SLC12A7: variants seen among roughly 807,000 people sequenced by gnomAD.
The protein encoded by SLC12A7 is K-Cl cotransporter 4.
A neutral mutation model predicts 120.6 loss-of-function variants in SLC12A7; 100 were observed. The ratio of observed to expected loss-of-function variants is 0.83; its 90% CI spans 0.71 to 0.98. SLC12A7 has a LOEUF of 0.98. SLC12A7 is among the 50% of genes least tolerant of loss of function. The pLI, the probability that SLC12A7 is intolerant of heterozygous loss-of-function variation, is 0.00. For missense variants in SLC12A7, 1,373 were observed against 1,548.1 expected, an observed-to-expected ratio of 0.89 and a Z score of 1.90; for synonymous variants, 760 against 678.0, an observed-to-expected ratio of 1.12 and a Z score of -1.88.
chr5:1,075,892 T>C (rs1397111880), intron 14 of SLC12A7: 1 of 534,642 alleles, frequency 1.9e-6, no homozygotes, highest in South Asian at 2.9e-5. Flanking sequence ...TGCAGACACC[T>C]GGGCATCCTC....
chr5:1,080,126 A>C (rs1738840774), intron 9 of SLC12A7, among the ~76,000 whole-genome samples: 1 of 151,832 alleles, frequency 6.6e-6, no homozygotes, highest in Non-Finnish European at 1.5e-5. Flanking sequence ...TGCCGCGGAG[A>C]CACCCGGAGC....
intron 18 of SLC12A7, among the ~76,000 whole-genome samples, chr5:1,064,520 C>A (rs115860046): frequency 6.6e-6 from 1 of 152,250 alleles, no homozygotes; most frequent in Non-Finnish European, 1.5e-5. Flanking sequence ...CAGATGGCCG[C>A]TCCCAGGGCC....
chr5:1,151,076 C>T, the SLC12A7 span, among the ~76,000 whole-genome samples: 1 of 152,240 alleles, frequency 6.6e-6, no homozygotes, highest in Non-Finnish European at 1.5e-5. This position sits in a 1 kb window ranked among gnomAD's most constrained non-coding sequence, Gnocchi z 6.2. Context: ...GCCAGAGCCT[C>T]ACTGCTGTGC....
At chr5:1,154,241 G>C in the SLC12A7 span, among the ~76,000 whole-genome samples, 6 of 151,786 alleles carry the variant, frequency 4.0e-5, no homozygotes, top group Non-Finnish European at 7.4e-5. Flanking sequence ...TCTCCAAAGC[G>C]TGTGTGTCCA....
rs200716950 is a variant in SLC12A7, at chr5:1,074,642, C to T, written c.1997G>A (p.Arg666His). Residue 666 changes from arginine (R) to histidine (H), a missense_variant, in exon 16 of 24, where the codon CGT becomes CAT. Coordinates refer to ENST00000264930, the MANE Select transcript of SLC12A7 (RefSeq NM_006598.3). ...GAEKEWGDGIRGLSLNAARYA... is the reference protein window; with the variant it reads ...GAEKEWGDGIHGLSLNAARYA... Reference sequence around the variant, plus strand: ...GCGGGCGGCGTTCAGGGATAGGCCACGGATGCCATCGCCCCACTCCTTCTC... The same window carrying T: ...GCGGGCGGCGTTCAGGGATAGGCCATGGATGCCATCGCCCCACTCCTTCTC... 2.0e-5 allele frequency: 32 copies of T among 1,612,780 alleles called. No homozygotes were observed. The East Asian group carries it at 3.1e-4, about 16-fold the overall frequency.
At chr5:1,129,113 C>G in the SLC12A7 span, among the ~76,000 whole-genome samples, 5 of 152,194 alleles carry the variant, frequency 3.3e-5, no homozygotes, top group African/African-American at 1.2e-4. Flanking sequence ...TCTCCTCAAA[C>G]CTCGGTCACA....
chr5:1,124,742 G>A, the SLC12A7 span, among the ~76,000 whole-genome samples: 4 of 152,196 alleles, frequency 2.6e-5, no homozygotes, highest in East Asian at 1.9e-4. Flanking sequence ...CGACGACCGT[G>A]AGAACAGCAG....
intron 8 of SLC12A7, among the ~76,000 whole-genome samples, chr5:1,082,992 GT>G: frequency 6.9e-6 from 1 of 144,752 alleles, no homozygotes; most frequent in Non-Finnish European, 1.5e-5. Context: ...GTTCTGGAAA[GT>G]CCGGGCTTCC....
rs551476637 is a variant in SLC12A7, at chr5:1,089,160, C to T, written c.343-32G>A. The T allele has an allele frequency of 4.4e-5, 71 of 1,605,222 alleles. No homozygotes were observed. The South Asian group carries it at 7.1e-4, about 16-fold the overall frequency. ...CAGAGCATAGCGTGTCCCAGGGGCT[C>T]GTACCCCACACCCAGAGGGAGCCCC... On this transcript the variant is annotated intron_variant, in intron 3 of 23. Coordinates refer to ENST00000264930, the MANE Select transcript of SLC12A7 (RefSeq NM_006598.3).
intron 6 of SLC12A7, among the ~76,000 whole-genome samples, chr5:1,085,678 CGG>C (rs2150862020): frequency 6.6e-6 from 1 of 150,718 alleles, no homozygotes; most frequent in African/African-American, 2.4e-5. Context: ...AGGCGAGGGA[CGG>C]AGCCCGCGGG....
rs1481725597 is a variant in SLC12A7, at chr5:1,051,381, C to G, written c.*979G>C. On this transcript the variant is annotated 3_prime_UTR_variant, in exon 24 of 24. Transcript: ENST00000264930. ...CTCAGAGGCTGAACTGTGTGCCGTG[C>G]TCCTGGGGTGGGGTGGGGTGGGGAG... The G allele has an allele frequency of 7.3e-6, 1 of 137,642 alleles. No homozygotes were observed. The highest frequency in any genetic ancestry group is 1.6e-5 in the Non-Finnish European group (1 of 64,484). 8.5% of individuals were successfully genotyped at this position (137,642 alleles called of 1,614,324 possible). A position where few individuals can be genotyped will look rare whatever the true frequency, so the allele number is the denominator to read the frequency against.
intron 17 of SLC12A7, among the ~76,000 whole-genome samples, chr5:1,067,804 A>G (rs1369366238): frequency 1.3e-5 from 2 of 149,948 alleles, no homozygotes; most frequent in Non-Finnish European, 2.9e-5. Context: ...GTGTGGGGAG[A>G]CCCTGTTATC....
At chr5:1,151,821 G>A in the SLC12A7 span, among the ~76,000 whole-genome samples, 3 of 152,150 alleles carry the variant, frequency 2.0e-5, no homozygotes, top group Admixed American at 6.5e-5. The surrounding 1 kb of genome is among the most constrained non-coding windows in gnomAD (Gnocchi z 6.2). Flanking sequence ...TCCTGCACAC[G>A]GCTCTCCTTG....
At chr5:1,058,020 T>C (rs1735809366) in intron 21 of SLC12A7, among the ~76,000 whole-genome samples, 1 of 150,400 alleles carries the variant, frequency 6.6e-6, no homozygotes, top group Non-Finnish European at 1.5e-5. Flanking sequence ...CACGCAGGCG[T>C]CCCCGTCTCA....
intron 12 of SLC12A7, among the ~76,000 whole-genome samples, chr5:1,077,396 G>C (rs946828369): frequency 2.6e-5 from 4 of 152,186 alleles, no homozygotes; most frequent in African/African-American, 9.6e-5. Context: ...CACAGCACAC[G>C]GACAGGACCC....
At chr5:1,091,435 G>C (rs1561088780) in intron 3 of SLC12A7, among the ~76,000 whole-genome samples, 2 of 152,192 alleles carry the variant, frequency 1.3e-5, no homozygotes, top group African/African-American at 4.8e-5. Flanking sequence ...CCTGTTCCCG[G>C]AGCACTCGGA....
intron 1 of SLC12A7, among the ~76,000 whole-genome samples, chr5:1,096,667 G>A (rs1348776086): frequency 7.4e-6 from 1 of 135,448 alleles, no homozygotes; most frequent in Non-Finnish European, 1.6e-5. Context: ...GAGGGAGGGA[G>A]GGAAGGAAGA....
At chr5:1,107,825 A>G (rs1374435314) in intron 1 of SLC12A7, among the ~76,000 whole-genome samples, 2 of 152,168 alleles carry the variant, frequency 1.3e-5, no homozygotes, top group Admixed American at 1.3e-4. Context: ...CCACGAGGCA[A>G]AGGTCTCCTC....
the SLC12A7 span, among the ~76,000 whole-genome samples, chr5:1,127,292 C>T: frequency 0.12 from 18,319 of 152,236 alleles, 1,212 homozygotes; most frequent in South Asian, 0.2. Flanking sequence ...GGATTACAGG[C>T]GTGAGCCACC....
Sources: gnomAD v4.1 joint callset for allele counts (sites outside exome capture counted in the v4.1 genomes callset) on GRCh38, gnomAD v4.1.1 for gene constraint, Gnocchi (gnomAD v3.1) non-coding constraint, MANE v1.5 for transcripts, NCBI Gene and HGNC (gene_info 2026-07-23, HGNC 2026-07-21) for gene names.